Variants in RFC1 observed in about 807,000 individuals in gnomAD.
RFC1 encodes the protein replication factor C subunit 1.
Under a neutral mutation model 137.4 loss-of-function variants are expected in RFC1, and 37 were observed. The ratio of observed to expected loss-of-function variants is 0.27; its 90% CI spans 0.21 to 0.35. The LOEUF is 0.35. RFC1 is among the 10% of genes least tolerant of loss of function. The probability of loss-of-function intolerance (pLI) is 1.00; values close to 1 mark genes in which losing one functional copy is unlikely to be tolerated. For synonymous variants in RFC1, 429 were observed against 455.7 expected (o/e 0.94, Z 0.75); for missense variants, 1,205 against 1,358.5 (o/e 0.89, Z 1.78).
chr4:39,322,327 A>G (rs1293705055), intron 7 of RFC1: 1 of 151,972 alleles, frequency 6.6e-6, no homozygotes, highest in Non-Finnish European at 1.5e-5. Flanking sequence ...GGGATCAATC[A>G]AGCCCAAGAA....
chr4:39,341,871 C>A (rs1740619968), intron 4 of RFC1, among the ~76,000 whole-genome samples: 2 of 152,240 alleles, frequency 1.3e-5, no homozygotes, highest in African/African-American at 2.4e-5. Flanking sequence ...ACAGATGTAA[C>A]AGAACTAAAT....
Position 39,290,092 on chromosome 4 carries a change from T to A in RFC1, c.3169-53A>T, listed in dbSNP as rs1001685412. ...TAAAAATCTAAGTCCCAAACAATTC[T>A]TTTAAACTCTGTAAGCCTAAAGAGA... On this transcript the variant is annotated intron_variant, in intron 23 of 24. Transcript: ENST00000349703. 3.0e-6 allele frequency: 4 copies of A among 1,353,250 alleles called. No individual in the cohort carries two copies. The African/African-American group carries it at 5.8e-5, about 20-fold the overall frequency. The allele number at this position is 1,353,250 out of a possible 1,614,324, so 83.8% of individuals were successfully genotyped here.
At chr4:39,339,930 G>A (rs955443296) in intron 4 of RFC1, among the ~76,000 whole-genome samples, 3 of 152,102 alleles carry the variant, frequency 2.0e-5, no homozygotes, top group Non-Finnish European at 4.4e-5. Context: ...AATACAAAAT[G>A]TCTTTAAAGG....
At chr4:39,322,867 T>G (rs1739589805) in intron 7 of RFC1, among the ~76,000 whole-genome samples, 1 of 151,862 alleles carries the variant, frequency 6.6e-6, no homozygotes, top group Admixed American at 6.6e-5. Flanking sequence ...GAGAATCACT[T>G]GAACTCTGGA....
intron 4 of RFC1, among the ~76,000 whole-genome samples, chr4:39,328,382 AAAT>A (rs1398997059): frequency 1.4e-4 from 21 of 152,222 alleles, no homozygotes; most frequent in Admixed American, 1.3e-3. Context: ...ACAGATATAC[AAAT>A]AAACAAATAT....
intron 13 of RFC1, 79 bp downstream of exon 13, chr4:39,308,557 G>C (rs1738799886): frequency 2.6e-6 from 4 of 1,515,302 alleles, no homozygotes; most frequent in Non-Finnish European, 3.6e-6. Flanking sequence ...TGAATCGTTA[G>C]ATTTTCTCAT....
At position 39,300,424 on chromosome 4, in the gene RFC1, G is replaced by C. The variant is rs766178645; in HGVS notation, c.2536-10C>G. 10 of 1,612,054 alleles carry C rather than the reference G, an allele frequency of 6.2e-6. No homozygotes were observed. Among genetic ancestry groups the C allele is most frequent in the Non-Finnish European group, 6.8e-6 (8 of 1,178,338 alleles). On this transcript the variant is annotated splice_polypyrimidine_tract_variant and intron_variant, in intron 19 of 24. Coordinates refer to ENST00000349703, the MANE Select transcript of RFC1 (RefSeq NM_002913.5). ...CAACATCAAATGGGCCCTGAAAAAAGAGAGGGACACACCTATTAGAATGGC... is the reference window on the plus strand; with the variant it reads ...CAACATCAAATGGGCCCTGAAAAAACAGAGGGACACACCTATTAGAATGGC...
rs751732070 is a variant in RFC1 at position 39,288,592 on chromosome 4, C to A, written c.*169G>T. 1.2e-4 allele frequency: 75 copies of A among 601,586 alleles called. 2 individuals carry two copies. Among genetic ancestry groups the A allele is most frequent in the South Asian group, 1.2e-3 (58 of 46,900 alleles). 37.3% of individuals were successfully genotyped at this position (601,586 alleles called of 1,614,324 possible). ...ACCTCTATAAGAGGTGTACATAAGCCTACTGCTCATACCCTTCTAGCCATA... is the reference window on the plus strand; with the variant it reads ...ACCTCTATAAGAGGTGTACATAAGCATACTGCTCATACCCTTCTAGCCATA... On this transcript the variant is annotated 3_prime_UTR_variant, in exon 25 of 25. Coordinates refer to ENST00000349703, the MANE Select transcript of RFC1 (RefSeq NM_002913.5).
At chr4:39,322,792 A>T (rs2109673976) in intron 7 of RFC1, among the ~76,000 whole-genome samples, 1 of 151,860 alleles carries the variant, frequency 6.6e-6, no homozygotes, top group South Asian at 2.1e-4. Flanking sequence ...AAAAAAAAAA[A>T]GAACTAAAAG....
At chr4:39,332,719 A>G (rs1332123078) in intron 4 of RFC1, among the ~76,000 whole-genome samples, 2 of 152,236 alleles carry the variant, frequency 1.3e-5, no homozygotes, top group Non-Finnish European at 2.9e-5. Flanking sequence ...CTTTTTCCAC[A>G]TTCAGCCTCT....
At position 39,312,736 on chromosome 4, in the gene RFC1, A is replaced by C. The variant is rs199836425; in HGVS notation, c.1383+16T>G. The C allele has an allele frequency of 2.6e-4, 419 of 1,609,930 alleles. No individual in the cohort carries two copies. Among genetic ancestry groups the C allele is most frequent in the Non-Finnish European group, 3.4e-4 (396 of 1,177,242 alleles). On this transcript the variant is annotated intron_variant, in intron 11 of 24. Transcript: ENST00000349703. ...GGCAGGAGGTGTCATGGTGTTGAGA[A>C]CAAAGCAGTACCCACCTTATCACTC...
rs530721215 is a variant in RFC1, at chr4:39,337,414, C to CAATAAGATGCTACTCA, written c.331+4915_331+4930dup. ...GAAAAAGCAAGCTGTAGAAATTTTACAATAAGATGCTACTCAAATAAGTGT... is the reference window on the plus strand; with the variant it reads ...GAAAAAGCAAGCTGTAGAAATTTTACAATAAGATGCTACTCAAATAAGATGCTACTCAAATAAGTGT... On this transcript the variant is annotated intron_variant, in intron 4 of 24. Transcript: ENST00000349703. Among the ~76,000 whole-genome samples the CAATAAGATGCTACTCA allele has an allele frequency of 2.1e-4, 30 of 144,118 alleles. No individual in the cohort carries two copies. In the East Asian group the frequency reaches 4.1e-3, roughly 20 times the overall value. The allele number at this position is 144,118 out of a possible 152,430, so 94.5% of individuals were successfully genotyped here.
intron 4 of RFC1, among the ~76,000 whole-genome samples, chr4:39,338,714 G>A (rs1740473818): frequency 6.6e-6 from 1 of 152,138 alleles, no homozygotes; most frequent in Admixed American, 6.5e-5. Context: ...TTACTATAGT[G>A]AAGCAAATTA....
rs768349323 is a variant in RFC1 at position 39,302,731 on chromosome 4, T to A, written c.2340+6A>T. 2.6e-6 allele frequency: 4 copies of A among 1,565,528 alleles called. No individual in the cohort carries two copies. The highest frequency in any genetic ancestry group is 3.4e-6 in the Non-Finnish European group (4 of 1,163,026). On this transcript the variant is annotated splice_donor_region_variant and intron_variant, in intron 17 of 24. Transcript: ENST00000349703. ...TGTGATGGAAAAAAAATTTCAATCA[T>A]CATACCTTAATCTGTTCAACCCGAG...
At chr4:39,317,620 T>C (rs910028264) in intron 9 of RFC1, among the ~76,000 whole-genome samples, 14 of 152,180 alleles carry the variant, frequency 9.2e-5, no homozygotes, top group African/African-American at 3.4e-4. Context: ...CATAGGTATA[T>C]CTCAGAAAAT....
chr4:39,341,701 A>C (rs1422123816), intron 4 of RFC1: 2 of 455,950 alleles, frequency 4.4e-6, no homozygotes, highest in Non-Finnish European at 4.4e-6. Flanking sequence ...AAATGACTTC[A>C]CCACTAACTT....
intron 15 of RFC1, among the ~76,000 whole-genome samples, chr4:39,304,047 G>T (rs1738507728): frequency 6.6e-6 from 1 of 152,092 alleles, no homozygotes; most frequent in African/African-American, 2.4e-5. Context: ...AAATATTGCT[G>T]GACTCTCTCC....
chr4:39,335,518 C>T (rs1005721582), intron 4 of RFC1, among the ~76,000 whole-genome samples: 14 of 152,002 alleles, frequency 9.2e-5, no homozygotes, highest in Non-Finnish European at 1.3e-4. Flanking sequence ...TTTTATAATT[C>T]GTGGGGTCTA....
intron 9 of RFC1, among the ~76,000 whole-genome samples, chr4:39,317,568 C>T (rs1739304168): frequency 6.6e-6 from 1 of 152,128 alleles, no homozygotes; most frequent in Admixed American, 6.5e-5. Context: ...GTTCTCTATG[C>T]TATTTCATCT....
Sources: allele counts gnomAD v4.1 joint callset (sites outside exome capture counted in the v4.1 genomes callset), GRCh38; gene constraint gnomAD v4.1.1; transcripts MANE v1.5; gene names NCBI Gene and HGNC (gene_info 2026-07-23, HGNC 2026-07-21).